The following NEURL3 variants were observed in gnomAD, a reference collection of about 807,000 sequenced individuals.
NEURL3 encodes the protein E3 ubiquitin-protein ligase NEURL3.
Under a neutral mutation model 17.6 loss-of-function variants are expected in NEURL3, and 19 were observed. The observed-to-expected ratio is 1.08, with a 90% CI of 0.75 to 1.58. NEURL3 has a LOEUF of 1.58. Among genes scored for constraint, NEURL3 ranks in the 40% most tolerant of loss-of-function variants. The probability of loss-of-function intolerance (pLI) is 0.00; values close to 1 mark genes in which losing one functional copy is unlikely to be tolerated. For synonymous variants in NEURL3, 180 were observed against 161.4 expected (o/e 1.11, Z -0.87); for missense variants, 342 against 379.6 (o/e 0.90, Z 0.82).
chr2:96,500,989 C>T (rs1226608836), intron 1 of NEURL3, 65 bp from the exon 2 acceptor site: 2 of 1,427,916 alleles, frequency 1.4e-6, no homozygotes, highest in Admixed American at 5.6e-5. Context: ...CCCCAGAGAG[C>T]CCCCAGTATC....
intron 3 of NEURL3, chr2:96,499,125 G>C: frequency 8.3e-7 from 1 of 1,210,338 alleles, no homozygotes; most frequent in Middle Eastern, 2.3e-4. Flanking sequence ...CAATGAATGT[G>C]GATGATTTTT....
intron 1 of NEURL3, among the ~76,000 whole-genome samples, chr2:96,503,884 G>GT (rs2065534959): frequency 6.6e-6 from 1 of 152,228 alleles, no homozygotes; most frequent in Non-Finnish European, 1.5e-5. Context: ...CTGGCACAGG[G>GT]TTCAGATCAT....
In NEURL3 at chr2:96,498,053, T is replaced by C. The variant is rs533776614; in HGVS notation, c.*191A>G. The C allele has an allele frequency of 9.4e-5, 57 of 605,322 alleles. 1 individual carries two copies. In the South Asian group the frequency reaches 1.2e-3, roughly 12 times the overall value. The allele number at this position is 605,322 out of a possible 1,614,324, so 37.5% of individuals were successfully genotyped here. A position where few individuals can be genotyped will look rare whatever the true frequency, so the allele number is the denominator to read the frequency against. On this transcript the variant is annotated 3_prime_UTR_variant, in exon 4 of 4. Coordinates refer to ENST00000451794, the MANE Select transcript of NEURL3 (RefSeq NM_001285485.2). This position sits in a 1 kb window ranked among gnomAD's most constrained non-coding sequence, Gnocchi z 4.4. ...ATGGACAGAAAGAGGGGTTTTTCCT[T>C]GCTATCCTGTTGGGGAACAGGTGGA...
In NEURL3 at chr2:96,500,508, C is replaced by G; in HGVS notation, c.445G>C (p.Val149Leu). 6.3e-7 allele frequency: 1 copy of G among 1,590,538 alleles called. No individual in the cohort carries two copies. The highest frequency in any genetic ancestry group is 8.5e-7 in the Non-Finnish European group (1 of 1,176,606). Residue 149 changes from valine (V) to leucine (L), a missense_variant, in exon 2 of 4, where the codon GTG (valine) becomes CTG (leucine). By Grantham distance (32) the Val-to-Leu change is conservative. Coordinates refer to ENST00000451794, the MANE Select transcript of NEURL3 (RefSeq NM_001285485.2). The stretch of plus-strand genomic sequence containing the variant: ...GCCCAGAGCGGGGCGCCGACGGGCA[C>G]GCCCTCACGCAGCAGGAGCCGGCAG... ...AGCRLLLREG[V>L]PVGAPLWAVM...
Position 96,498,560 on chromosome 2 carries a change from T to C in NEURL3, c.587-114A>G. ...CATGTAGCTATATTTTGAAGAATGTTACCTAGTGAGGAAATGCTTACAGTG... is the reference window on the plus strand; with the variant it reads ...CATGTAGCTATATTTTGAAGAATGTCACCTAGTGAGGAAATGCTTACAGTG... On this transcript the variant is annotated intron_variant, in intron 3 of 3. Coordinates refer to ENST00000451794, the MANE Select transcript of NEURL3 (RefSeq NM_001285485.2). This position sits in a 1 kb window ranked among gnomAD's most constrained non-coding sequence, Gnocchi z 4.4. 1.0e-6 allele frequency: 1 copy of C among 994,332 alleles called. No homozygotes were observed. Among genetic ancestry groups the C allele is most frequent in the Non-Finnish European group, 1.4e-6 (1 of 693,728 alleles). 61.6% of individuals were successfully genotyped at this position (994,332 alleles called of 1,614,324 possible). A position where few individuals can be genotyped will look rare whatever the true frequency, so the allele number is the denominator to read the frequency against.
rs747248029 is a variant in NEURL3 at position 96,499,497 on chromosome 2, C to G, written c.515-48G>C. The G allele has an allele frequency of 3.6e-5, 56 of 1,536,190 alleles. No homozygotes were observed. In the South Asian group the frequency reaches 4.0e-4, roughly 11 times the overall value. ...GGTCCAGGACGGCAAGCCCAGGTGCCCCCCCATCCCCGCCCCTGGCCCCGC... is the reference window on the plus strand; with the variant it reads ...GGTCCAGGACGGCAAGCCCAGGTGCGCCCCCATCCCCGCCCCTGGCCCCGC... On this transcript the variant is annotated intron_variant, in intron 2 of 3. Transcript: ENST00000451794.
At chr2:96,504,071 A>T (rs2065537546) in intron 1 of NEURL3, among the ~76,000 whole-genome samples, 1 of 152,166 alleles carries the variant, frequency 6.6e-6, no homozygotes, top group African/African-American at 2.4e-5. Context: ...CGGGCTAAGC[A>T]GGGCCTCTGG....
chr2:96,502,500 T>C (rs1219109136), intron 1 of NEURL3, among the ~76,000 whole-genome samples: 1 of 152,140 alleles, frequency 6.6e-6, no homozygotes, highest in African/African-American at 2.4e-5. Flanking sequence ...CAAACGGCAG[T>C]GAAGTGCATG....
At chr2:96,500,413 C>T in intron 2 of NEURL3, 26 bp downstream of exon 2, 1 of 1,596,278 alleles carries the variant, frequency 6.3e-7, no homozygotes, top group African/African-American at 1.3e-5. Context: ...CCCACCTCCC[C>T]TGCGGGGTCC....
At chr2:96,504,877 C>CAAAAAAAAAAAAAGAAA (rs2065546926) in intron 1 of NEURL3, among the ~76,000 whole-genome samples, 1 of 55,280 alleles carries the variant, frequency 1.8e-5, no homozygotes, top group Non-Finnish European at 3.6e-5. Flanking sequence ...GACTCCGTCT[C>CAAAAAAAAAAAAAGAAA]AAAAAAAAAA....
At position 96,499,118 on chromosome 2, in the gene NEURL3, T is replaced by C. The variant is rs1418984965; in HGVS notation, c.586+260A>G. ...ATTTCCATTGGCAAAGCATTTACAA[T>C]GAATGTGGATGATTTTTTAAAGCAA... On this transcript the variant is annotated intron_variant, in intron 3 of 3. Coordinates refer to ENST00000451794, the MANE Select transcript of NEURL3 (RefSeq NM_001285485.2). 3.1e-5 allele frequency: 36 copies of C among 1,172,356 alleles called. No individual in the cohort carries two copies. In the East Asian group the frequency reaches 9.3e-4, roughly 30 times the overall value. 72.6% of individuals were successfully genotyped at this position (1,172,356 alleles called of 1,614,324 possible).
At chr2:96,500,384 C>A (rs776839839) in intron 2 of NEURL3, 55 bp downstream of exon 2, 2 of 1,589,080 alleles carry the variant, frequency 1.3e-6, no homozygotes, top group South Asian at 1.1e-5. Flanking sequence ...GTGTGGGGTG[C>A]CACTGGAGCC....
Position 96,505,263 on chromosome 2 carries a change from C to T in NEURL3, c.24G>A (p.Glu8=). ...GCTTGCAGGAGGTCTACTTACTGGCCTCGAAGCAGAGCTGGGCACCCATCA... is the reference window on the plus strand; with the variant it reads ...GCTTGCAGGAGGTCTACTTACTGGCTTCGAAGCAGAGCTGGGCACCCATCA... MGAQLCF[E]ANAKAPREAL... is the part of the protein sequence containing the mutation. The change falls in exon 1 of 4, where the codon GAG becomes GAA. Residue 8 remains glutamate, a synonymous_variant. Transcript: ENST00000451794. The T allele has an allele frequency of 1.9e-6, 3 of 1,599,222 alleles. No individual in the cohort carries two copies. The highest frequency in any genetic ancestry group is 3.3e-4 in the Middle Eastern group (2 of 6,058).
chr2:96,502,893 T>C (rs2065523932), intron 1 of NEURL3, among the ~76,000 whole-genome samples: 2 of 152,250 alleles, frequency 1.3e-5, no homozygotes, highest in African/African-American at 4.8e-5. Flanking sequence ...GATGAGGAGT[T>C]CTCCCAGCCT....
Position 96,499,320 on chromosome 2 carries a change from C to T in NEURL3, c.586+58G>A. On this transcript the variant is annotated intron_variant, in intron 3 of 3. Transcript: ENST00000451794. ...CAACCAGTAGGACGTGGGGCTTCTC[C>T]CTCCACTCCCAGGTGCTGGATTCCC... 6 of 1,588,414 alleles carry T rather than the reference C, an allele frequency of 3.8e-6. No homozygotes were observed. The Middle Eastern group carries it at 5.0e-4, about 132-fold the overall frequency.
In NEURL3 at chr2:96,500,897, C is replaced by T. The variant is rs1573156497; in HGVS notation, c.56G>A (p.Arg19His). Residue 19 changes from arginine (R) to histidine (H), a missense_variant, in exon 2 of 4, where the codon CGC becomes CAC. Coordinates refer to ENST00000451794, the MANE Select transcript of NEURL3 (RefSeq NM_001285485.2). ...ANAKAPREALRFHAEAKGAQV... is the reference protein window; with the variant it reads ...ANAKAPREALHFHAEAKGAQV... ...TGCGCCCTTGGCCTCGGCATGGAAGCGAAGTGCCTCTCGGGGCGCCTTGGC... is the reference window on the plus strand; with the variant it reads ...TGCGCCCTTGGCCTCGGCATGGAAGTGAAGTGCCTCTCGGGGCGCCTTGGC... The T allele has an allele frequency of 1.3e-6, 2 of 1,564,612 alleles. No individual in the cohort carries two copies. The highest frequency in any genetic ancestry group is 1.4e-5 in the African/African-American group (1 of 72,740).
intron 2 of NEURL3, 76 bp downstream of exon 2, chr2:96,500,363 G>A (rs774086517): frequency 2.0e-5 from 32 of 1,566,676 alleles, no homozygotes; most frequent in Middle Eastern, 3.3e-4. Context: ...TCTTCCTGTG[G>A]CTCTGGATCG....
intron 3 of NEURL3, chr2:96,499,162 T>G: frequency 7.4e-7 from 1 of 1,352,034 alleles, no homozygotes; most frequent in Non-Finnish European, 9.5e-7. Context: ...TAACACTGTC[T>G]GTTCATAAAA....
chr2:96,499,805 A>G (rs2065482624), intron 2 of NEURL3, among the ~76,000 whole-genome samples: 1 of 151,822 alleles, frequency 6.6e-6, no homozygotes, highest in Non-Finnish European at 1.5e-5. Flanking sequence ...TCAGGGCTCC[A>G]CTCCAGACCC....
Sources: allele counts gnomAD v4.1 joint callset (sites outside exome capture counted in the v4.1 genomes callset), GRCh38; gene constraint gnomAD v4.1.1; non-coding constraint Gnocchi (gnomAD v3.1); transcripts MANE v1.5; gene names NCBI Gene and HGNC (gene_info 2026-07-23, HGNC 2026-07-21).